The following NASP variants were observed in gnomAD, a reference collection of about 807,000 sequenced individuals.
NASP encodes nuclear autoantigenic sperm protein, also known as NASP histone chaperone.
A neutral mutation model predicts 89.5 loss-of-function variants in NASP; 24 were observed. The observed-to-expected ratio is 0.27, with a 90% CI of 0.19 to 0.38. The LOEUF (loss-of-function observed/expected upper bound fraction) is 0.38. NASP is among the 10% of genes least tolerant of loss of function. The pLI is 1.00. For synonymous variants in NASP, 306 were observed against 324.7 expected (o/e 0.94, Z 0.62); for missense variants, 848 against 921.4 (o/e 0.92, Z 1.03).
chr1:45,593,958 A>G (rs747725069), intron 2 of NASP, among the ~76,000 whole-genome samples: 2 of 151,302 alleles, frequency 1.3e-5, no homozygotes, highest in Non-Finnish European at 3.0e-5. Flanking sequence ...AAGCCCAGGA[A>G]GTCGAGGTGG....
rs376271232 is a variant in NASP at position 45,618,412 on chromosome 1, T to C, written c.*271T>C. 2,216 of 279,874 alleles carry C rather than the reference T, an allele frequency of 7.9e-3. 43 individuals are homozygous for C. The highest frequency in any genetic ancestry group is 0.044 in the African/African-American group (2,031 of 46,446). 17.3% of individuals were successfully genotyped at this position (279,874 alleles called of 1,614,324 possible). On this transcript the variant is annotated 3_prime_UTR_variant, in exon 15 of 15. Transcript: ENST00000350030. ...ACGTGGAGGTGATCAAGTGTGGCTG[T>C]AGGCCTTTGTTTTCCAATGGTGCTA...
Position 45,616,709 on chromosome 1 carries a change from T to G in NASP, c.2157+6T>G, listed in dbSNP as rs756636161. 6.2e-7 allele frequency: 1 copy of G among 1,609,416 alleles called. No individual in the cohort carries two copies. ...CCCACCTTGTCAGAAAGAAGGTAAGTCTACATGTGGTGTTTCTTTTCTACC... is the reference window on the plus strand; with the variant it reads ...CCCACCTTGTCAGAAAGAAGGTAAGGCTACATGTGGTGTTTCTTTTCTACC... On this transcript the variant is annotated splice_donor_region_variant and intron_variant, in intron 13 of 14. Transcript: ENST00000350030.
intron 2 of NASP, among the ~76,000 whole-genome samples, chr1:45,597,212 C>G (rs1185180107): frequency 2.0e-5 from 3 of 149,784 alleles, no homozygotes; most frequent in African/African-American, 7.4e-5. Flanking sequence ...GAGGCTGAGG[C>G]ACAAGAATGG....
At chr1:45,588,969 T>C (rs1282110090) in intron 1 of NASP, 1 of 171,602 alleles carries the variant, frequency 5.8e-6, no homozygotes. Flanking sequence ...GTTTGTTTGT[T>C]TGTTTGTTTG....
chr1:45,597,285 C>T lies in NASP; in HGVS notation c.108-4970C>T, dbSNP rs984964461. 5.1e-4 allele frequency among the ~76,000 whole-genome samples: 67 copies of T among 131,776 alleles called. 3 individuals are homozygous for T. The South Asian group carries it at 0.015, about 30-fold the overall frequency. 86.5% of individuals were successfully genotyped at this position (131,776 alleles called of 152,430 possible). On this transcript the variant is annotated intron_variant, in intron 2 of 14. Coordinates refer to ENST00000350030, the MANE Select transcript of NASP (RefSeq NM_002482.4). ...TCGTGCCACTGCACTCTAGCCTGGG[C>T]GACAGAGCAAGACTTTTTTTTTTTT... is the stretch of plus-strand genomic sequence containing the variant.
At position 45,591,213 on chromosome 1, in the gene NASP, T is replaced by A; in HGVS notation, c.60-10T>A. ...TTTTACATTTTTTCCCCTTTAATTT[T>A]TTATTACAGAATTGAAGATGTTCCT... is the stretch of plus-strand genomic sequence containing the variant. On this transcript the variant is annotated splice_polypyrimidine_tract_variant and intron_variant, in intron 1 of 14. Coordinates refer to ENST00000350030, the MANE Select transcript of NASP (RefSeq NM_002482.4). 1.3e-6 allele frequency: 2 copies of A among 1,511,782 alleles called. No individual in the cohort carries two copies. The highest frequency in any genetic ancestry group is 1.8e-6 in the Non-Finnish European group (2 of 1,126,740). The allele number at this position is 1,511,782 out of a possible 1,614,324, so 93.6% of individuals were successfully genotyped here. A position where few individuals can be genotyped will look rare whatever the true frequency, so the allele number is the denominator to read the frequency against.
chr1:45,584,068 G>C lies in NASP; in HGVS notation c.-79G>C. The stretch of plus-strand genomic sequence containing the variant: ...CTAATCTGCCATTTTCTGTCCCTGA[G>C]TGAGTCTCTGGCGTCCCAAATTGCC... On this transcript the variant is annotated 5_prime_UTR_variant, in exon 1 of 15. Transcript: ENST00000350030. The C allele has an allele frequency of 2.9e-6, 4 of 1,372,762 alleles. No individual in the cohort carries two copies. The highest frequency in any genetic ancestry group is 4.0e-6 in the Non-Finnish European group (4 of 989,198). 85.0% of individuals were successfully genotyped at this position (1,372,762 alleles called of 1,614,324 possible).
chr1:45,601,708 C>CAATACAG (rs1204341750), intron 2 of NASP, among the ~76,000 whole-genome samples: 2 of 137,916 alleles, frequency 1.5e-5, no homozygotes, highest in Admixed American at 7.6e-5. Flanking sequence ...TAGTAATATA[C>CAATACAG]AATACAGGCT....
At chr1:45,614,520 C>CA in intron 9 of NASP, among the ~76,000 whole-genome samples, 154 bp downstream of exon 9, 1 of 146,000 alleles carries the variant, frequency 6.8e-6, no homozygotes, top group Non-Finnish European at 1.5e-5. Flanking sequence ...AAGTGGCACT[C>CA]AGTCTTCCAG....
chr1:45,594,134 T>A (rs183375224), intron 2 of NASP, among the ~76,000 whole-genome samples: 31 of 150,602 alleles, frequency 2.1e-4, no homozygotes, highest in African/African-American at 7.3e-4. Context: ...AAGATCAGCC[T>A]GGCCAACATG....
chr1:45,594,670 CTAATTTTTGTATTTTGT>C, intron 2 of NASP: 2 of 452,184 alleles, frequency 4.4e-6, no homozygotes, highest in South Asian at 3.1e-5. Context: ...CTATGCCTGG[CTAATTTTTGTATTTTGT>C]TTTTAGAGAT....
intron 1 of NASP, among the ~76,000 whole-genome samples, chr1:45,587,200 T>A (rs530588729): frequency 6.6e-6 from 1 of 151,704 alleles, no homozygotes; most frequent in Non-Finnish European, 1.5e-5. Flanking sequence ...TTTTTGTTGT[T>A]TTTTTTTTGA....
At chr1:45,617,672 GCTCCC>G in intron 14 of NASP, 81 bp downstream of exon 14, 2 of 1,451,934 alleles carry the variant, frequency 1.4e-6, no homozygotes, top group Non-Finnish European at 1.8e-6. Flanking sequence ...TCAAGTGCAT[GCTCCC>G]CACCTTGAGC....
Position 45,607,837 on chromosome 1 carries a change from T to G in NASP, c.926T>G (p.Val309Gly). ...SLDPTVKPVD[V>G]GGDEPEEKVV... ...GACCCGACAGTCAAGCCAGTGGATG[T>G]GGGTGGGGACGAGCCAGAGGAGAAG... is the stretch of plus-strand genomic sequence containing the variant. The change falls in exon 6 of 15, where the codon GTG (valine) becomes GGG (glycine). Residue 309 changes from valine to glycine, a missense_variant. Transcript: ENST00000350030. 6.2e-7 allele frequency: 1 copy of G among 1,613,960 alleles called. No homozygotes were observed. Among genetic ancestry groups the G allele is most frequent in the Admixed American group, 1.7e-5 (1 of 59,986 alleles).
chr1:45,603,801 G>T (rs1570978549), intron 3 of NASP, among the ~76,000 whole-genome samples: 6 of 152,104 alleles, frequency 3.9e-5, no homozygotes, highest in African/African-American at 1.4e-4. Context: ...TAGAGATGGG[G>T]TTTCTCCATG....
At chr1:45,584,915 C>T (rs1411539447) in intron 1 of NASP, among the ~76,000 whole-genome samples, 1 of 152,196 alleles carries the variant, frequency 6.6e-6, no homozygotes, top group African/African-American at 2.4e-5. Context: ...ACTCCGTGAG[C>T]CCCTGCCTGT....
At position 45,613,184 on chromosome 1, in the gene NASP, A is replaced by G; in HGVS notation, c.1442A>G (p.Glu481Gly). The G allele has an allele frequency of 6.2e-7, 1 of 1,609,122 alleles. No homozygotes were observed. The highest frequency in any genetic ancestry group is 1.1e-5 in the South Asian group (1 of 90,262). ...MKEGEETEGSEEDDKENDKTE... is the reference protein window; with the variant it reads ...MKEGEETEGSGEDDKENDKTE... ...TTACTTGTAGAAACTGAAGGCTCAG[A>G]AGAGGATGATAAAGAAAATGATAAG... The change falls in exon 7 of 15, where the codon GAA (glutamate) becomes GGA (glycine). Residue 481 changes from glutamate (E) to glycine (G), a missense_variant. By Grantham distance (98) the Glu-to-Gly change is moderately conservative. Coordinates refer to ENST00000350030, the MANE Select transcript of NASP (RefSeq NM_002482.4).
At chr1:45,614,210 G>A in intron 8 of NASP, 29 bp downstream of exon 8, 1 of 1,600,734 alleles carries the variant, frequency 6.2e-7, no homozygotes. Flanking sequence ...CTAGGCTTGG[G>A]TTGGGAGTTT....
At chr1:45,589,293 C>T (rs1643455302) in intron 1 of NASP, among the ~76,000 whole-genome samples, 1 of 152,022 alleles carries the variant, frequency 6.6e-6, no homozygotes, top group Non-Finnish European at 1.5e-5. Flanking sequence ...ATGCCCATCT[C>T]ATTTTATTTT....
Sources: allele counts gnomAD v4.1 joint callset (sites outside exome capture counted in the v4.1 genomes callset), GRCh38; gene constraint gnomAD v4.1.1; transcripts MANE v1.5; gene names NCBI Gene and HGNC (gene_info 2026-07-23, HGNC 2026-07-21).